STPG2: variants seen among roughly 807,000 people sequenced by gnomAD.
STPG2 encodes sperm tail PG-rich repeat containing 2, also known as sperm-tail PG-rich repeat-containing protein 2.
A neutral mutation model predicts 54.2 loss-of-function variants in STPG2; 56 were observed. The ratio of observed to expected loss-of-function variants is 1.03; its 90% CI spans 0.83 to 1.29. STPG2 has a LOEUF of 1.29. Among genes scored for constraint, STPG2 ranks in the 50% most tolerant of loss-of-function variants. The pLI is 0.00. For synonymous variants in STPG2, 200 were observed against 181.8 expected (o/e 1.10, Z -0.81); for missense variants, 596 against 544.9 (o/e 1.09, Z -0.93).
At chr4:97,447,705 T>A (rs997598255) in intron 4 of STPG2, among the ~76,000 whole-genome samples, 3 of 152,178 alleles carry the variant, frequency 2.0e-5, no homozygotes, top group African/African-American at 4.8e-5. Context: ...CTGCCTAGAT[T>A]TCAGAGGATG....
rs373400279 is a variant in STPG2 at position 97,539,254 on chromosome 4, G to C, written c.462+173445C>G. ...TTAAAAGACACAGACTGGTAAATTG[G>C]ATAAAGAGTCAAGACCCATCAGTGT... On this transcript the variant is annotated intron_variant, in intron 4 of 4. Transcript: ENST00000522676. 3.9e-5 allele frequency among the ~76,000 whole-genome samples: 6 copies of C among 152,112 alleles called. No homozygotes were observed. In the East Asian group the frequency reaches 5.8e-4, roughly 15 times the overall value.
intron 4 of STPG2, among the ~76,000 whole-genome samples, chr4:97,467,574 TAA>T (rs986115640): frequency 6.6e-6 from 1 of 151,926 alleles, no homozygotes; most frequent in African/African-American, 2.4e-5. Context: ...ACATTAATAA[TAA>T]AGTGATTCAT....
chr4:97,937,562 T>C (rs1732793723), intron 8 of STPG2, among the ~76,000 whole-genome samples: 1 of 152,218 alleles, frequency 6.6e-6, no homozygotes, highest in South Asian at 2.1e-4. Flanking sequence ...ATGAGGTTTT[T>C]GTAGGAACTT....
intron 4 of STPG2, among the ~76,000 whole-genome samples, chr4:97,459,110 A>G (rs1332887729): frequency 6.6e-6 from 1 of 152,104 alleles, no homozygotes; most frequent in Non-Finnish European, 1.5e-5. Flanking sequence ...GTTACACAAT[A>G]TATAATTTCC....
intron 9 of STPG2, among the ~76,000 whole-genome samples, chr4:97,801,086 T>G (rs1273336918): frequency 1.3e-5 from 2 of 152,168 alleles, no homozygotes; most frequent in East Asian, 3.9e-4. Context: ...CTGTCACAGC[T>G]TCTCTTGGCT....
intron 9 of STPG2, among the ~76,000 whole-genome samples, chr4:97,800,282 T>C (rs1261558936): frequency 6.6e-6 from 1 of 152,262 alleles, no homozygotes; most frequent in Non-Finnish European, 1.5e-5. Flanking sequence ...TTTCAGTTTC[T>C]CTGCTCTGTT....
At chr4:97,838,384 T>C (rs577583224) in intron 9 of STPG2, among the ~76,000 whole-genome samples, 183 of 151,458 alleles carry the variant, frequency 1.2e-3, no homozygotes, top group African/African-American at 4.2e-3. Flanking sequence ...AAAAATCAAA[T>C]GATGTCATGT....
rs145951577 is a variant in STPG2 at position 97,475,845 on chromosome 4, T to G, written c.462+236854A>C. 5.8e-3 allele frequency among the ~76,000 whole-genome samples: 880 copies of G among 152,290 alleles called. 7 individuals carry two copies. The highest frequency in any genetic ancestry group is 0.019 in the African/African-American group (797 of 41,566). Reference sequence around the variant, plus strand: ...TCTGAAAGGTCCTCTTCACAGAGACTTTCCCTGGCCGCTTATCTAAAAGGC... The same window carrying G: ...TCTGAAAGGTCCTCTTCACAGAGACGTTCCCTGGCCGCTTATCTAAAAGGC... On this transcript the variant is annotated intron_variant, in intron 4 of 4. Transcript: ENST00000522676.
chr4:97,585,101 C>CAAAAAA (rs60854805), intron 10 of STPG2, among the ~76,000 whole-genome samples: 4 of 46,254 alleles, frequency 8.6e-5, no homozygotes, highest in South Asian at 1.2e-3. Flanking sequence ...AAAATATTCT[C>CAAAAAA]AAAAAAAAAA....
At chr4:97,881,553 CT>C (rs1730376055) in intron 8 of STPG2, among the ~76,000 whole-genome samples, 1 of 152,072 alleles carries the variant, frequency 6.6e-6, no homozygotes, top group African/African-American at 2.4e-5. Flanking sequence ...AATAAAATGA[CT>C]TAGATGATTC....
At chr4:97,813,339 A>G (rs1375614660) in intron 9 of STPG2, among the ~76,000 whole-genome samples, 2 of 152,170 alleles carry the variant, frequency 1.3e-5, no homozygotes, top group African/African-American at 2.4e-5. Flanking sequence ...ACAATATGCA[A>G]TTAACCTGTG....
intron 6 of STPG2, among the ~76,000 whole-genome samples, chr4:97,978,430 G>A (rs1161359685): frequency 9.2e-5 from 14 of 152,170 alleles, no homozygotes; most frequent in African/African-American, 2.7e-4. Context: ...AATACCACAT[G>A]TTTGCACTTA....
intron 3 of STPG2, among the ~76,000 whole-genome samples, chr4:98,123,259 T>C (rs912300459): frequency 2.6e-5 from 4 of 152,204 alleles, no homozygotes; most frequent in Non-Finnish European, 5.9e-5. Flanking sequence ...CTCGATTCTC[T>C]AGTTCTTTTA....
At chr4:97,564,685 A>G (rs1056445587) in intron 10 of STPG2, among the ~76,000 whole-genome samples, 23 of 151,962 alleles carry the variant, frequency 1.5e-4, no homozygotes, top group Non-Finnish European at 3.2e-4. Context: ...TTTCTCCTTC[A>G]CTTATGAAGC....
intron 5 of STPG2, among the ~76,000 whole-genome samples, chr4:98,024,555 T>C (rs1736351813): frequency 6.6e-6 from 1 of 152,204 alleles, no homozygotes; most frequent in Admixed American, 6.5e-5. Flanking sequence ...CATCTCCACA[T>C]ATATATGTAG....
At chr4:98,142,525 G>C (rs576471522) in intron 1 of STPG2, among the ~76,000 whole-genome samples, 94 of 150,234 alleles carry the variant, frequency 6.3e-4, no homozygotes, top group African/African-American at 2.0e-3. Flanking sequence ...GGGCTCCCCT[G>C]AAGTGTGTTA....
chr4:97,668,405 T>C (rs554756540), intron 10 of STPG2, among the ~76,000 whole-genome samples: 72 of 152,278 alleles, frequency 4.7e-4, no homozygotes, highest in African/African-American at 1.7e-3. Context: ...CAAATGTCAT[T>C]TCAATGAACA....
In STPG2 at chr4:98,104,105, C is replaced by T. The variant is rs533251856; in HGVS notation, c.612+1848G>A. Among the ~76,000 whole-genome samples the T allele has an allele frequency of 6.6e-5, 10 of 152,290 alleles. No homozygotes were observed. The East Asian group carries it at 1.7e-3, about 26-fold the overall frequency. ...TTTAAATCATCCCTGCCTTTTCCTA[C>T]TTGCTTGCCTATACAAACACATGCA... On this transcript the variant is annotated intron_variant, in intron 5 of 10. Coordinates refer to ENST00000295268, the MANE Select transcript of STPG2 (RefSeq NM_174952.3).
At chr4:97,634,738 C>T (rs2148937205) in intron 10 of STPG2, among the ~76,000 whole-genome samples, 1 of 151,930 alleles carries the variant, frequency 6.6e-6, no homozygotes, top group Non-Finnish European at 1.5e-5. Context: ...GAAAGGGTAT[C>T]AGCAATGGAA....
Sources: allele counts gnomAD v4.1 joint callset (sites outside exome capture counted in the v4.1 genomes callset), GRCh38; gene constraint gnomAD v4.1.1; transcripts MANE v1.5; gene names NCBI Gene and HGNC (gene_info 2026-07-23, HGNC 2026-07-21).